DNAH14: variants seen among roughly 807,000 people sequenced by gnomAD.
DNAH14 encodes the protein dynein axonemal heavy chain 14.
A neutral mutation model predicts 520.9 loss-of-function variants in DNAH14; 478 were observed. The observed-to-expected ratio is 0.92, with a 90% CI of 0.85 to 0.99. The LOEUF (loss-of-function observed/expected upper bound fraction) is 0.99. Among genes scored for constraint, DNAH14 ranks in the 50% least tolerant of loss-of-function variants. The pLI is 0.00. For missense variants in DNAH14, 4,831 were observed against 5,234.5 expected (o/e 0.92, Z 2.38); for synonymous variants, 1,581 against 1,757.2 (o/e 0.90, Z 2.51).
chr1:225,335,521 A>ATATATATG (rs2094956402), intron 66 of DNAH14, among the ~76,000 whole-genome samples: 1 of 119,812 alleles, frequency 8.3e-6, no homozygotes, highest in Admixed American at 7.8e-5. Context: ...ACATATGTAC[A>ATATATATG]TATATACATA....
intron 1 of DNAH14, among the ~76,000 whole-genome samples, chr1:224,936,005 T>A (rs1473229341): frequency 5.3e-5 from 8 of 151,608 alleles, no homozygotes; most frequent in South Asian, 2.1e-4. Context: ...ACAAAAAAAA[T>A]TTTTGAAACA....
intron 43 of DNAH14, among the ~76,000 whole-genome samples, chr1:225,245,525 C>G (rs2092231808): frequency 6.6e-6 from 1 of 152,040 alleles, no homozygotes. Context: ...TGTGCAAAAT[C>G]ACAAGCATTC....
At chr1:225,375,096 T>C (rs1162038509) in intron 78 of DNAH14, among the ~76,000 whole-genome samples, 3 of 152,202 alleles carry the variant, frequency 2.0e-5, no homozygotes, top group Admixed American at 2.0e-4. Flanking sequence ...AAATCGTTCA[T>C]GTCCTCCGAG....
intron 21 of DNAH14, among the ~76,000 whole-genome samples, chr1:225,096,058 C>T (rs1256708264): frequency 6.6e-6 from 1 of 152,202 alleles, no homozygotes; most frequent in Non-Finnish European, 1.5e-5. Flanking sequence ...ACTCCACCTC[C>T]TGGGTTCAGG....
chr1:225,235,530 GTA>G (rs990512469), intron 42 of DNAH14, among the ~76,000 whole-genome samples: 15 of 152,098 alleles, frequency 9.9e-5, no homozygotes, highest in African/African-American at 3.6e-4. Flanking sequence ...CCAAGTTTTG[GTA>G]TCAGAATAAT....
chr1:225,074,289 G>A (rs560152254), intron 17 of DNAH14, among the ~76,000 whole-genome samples: 121 of 152,306 alleles, frequency 7.9e-4, no homozygotes, highest in African/African-American at 2.4e-3. Context: ...GTGAGCCACC[G>A]CGCCCGGCCT....
At chr1:225,109,004 G>A (rs966037218) in intron 23 of DNAH14, among the ~76,000 whole-genome samples, 2 of 152,048 alleles carry the variant, frequency 1.3e-5, no homozygotes, top group Non-Finnish European at 2.9e-5. Context: ...TTGGCACCTT[G>A]GTCAAAAATG....
chr1:225,257,933 G>T (rs1574341978), intron 44 of DNAH14, 27 bp from the exon 45 acceptor site: 3 of 1,497,772 alleles, frequency 2.0e-6, no homozygotes, highest in Non-Finnish European at 1.8e-6. Flanking sequence ...TAGGTCATTT[G>T]AAACTTTTTT....
At position 225,145,267 on chromosome 1, in the gene DNAH14, T is replaced by G. The variant is rs948006316; in HGVS notation, c.4741-59T>G. The G allele has an allele frequency of 2.9e-6, 4 of 1,356,672 alleles. No homozygotes were observed. The African/African-American group carries it at 5.8e-5, about 20-fold the overall frequency. The allele number at this position is 1,356,672 out of a possible 1,614,324, so 84.0% of individuals were successfully genotyped here. A position where few individuals can be genotyped will look rare whatever the true frequency, so the allele number is the denominator to read the frequency against. ...AGACATTTTATTACTCTAGCAGTTT[T>G]AACATTAGTATTTTGTGTCATAATT... On this transcript the variant is annotated intron_variant, in intron 29 of 85. Transcript: ENST00000682510.
At position 225,082,206 on chromosome 1, in the gene DNAH14, G is replaced by A. The variant is rs948572044; in HGVS notation, c.3137-343G>A. 6.0e-5 allele frequency among the ~76,000 whole-genome samples: 9 copies of A among 150,522 alleles called. 1 individual carries two copies. Among genetic ancestry groups the A allele is most frequent in the Admixed American group, 2.0e-4 (3 of 15,128 alleles). ...TGTGTGTGTGTGTGTGTGCACATGC[G>A]CATGTACCCATTTGTCTGTATATTT... is the stretch of plus-strand genomic sequence containing the variant. On this transcript the variant is annotated intron_variant, in intron 19 of 85. Coordinates refer to ENST00000682510, the MANE Select transcript of DNAH14 (RefSeq NM_001367479.1).
chr1:224,981,124 C>G (rs553754255), intron 8 of DNAH14, among the ~76,000 whole-genome samples: 1 of 152,152 alleles, frequency 6.6e-6, no homozygotes, highest in African/African-American at 2.4e-5. Context: ...CCCTGCATCC[C>G]TGGTATGAAA....
intron 56 of DNAH14, among the ~76,000 whole-genome samples, chr1:225,301,440 A>T (rs991243230): frequency 2.0e-5 from 3 of 152,168 alleles, no homozygotes; most frequent in African/African-American, 7.2e-5. Context: ...ATAGTCCTAG[A>T]ATTGACCAGG....
Position 225,043,073 on chromosome 1 carries a change from A to C in DNAH14, c.1727A>C (p.Lys576Thr), listed in dbSNP as rs1387911990. 1.9e-6 allele frequency: 3 copies of C among 1,551,364 alleles called. No homozygotes were observed. In the Middle Eastern group the frequency reaches 5.1e-4, roughly 261 times the overall value. The change falls in exon 13 of 86, where the codon AAA becomes ACA. Residue 576 changes from lysine (K) to threonine (T), a missense_variant. By Grantham distance (78) the Lys-to-Thr change is moderately conservative. Coordinates refer to ENST00000682510, the MANE Select transcript of DNAH14 (RefSeq NM_001367479.1). ...SSEELLPKAK[K>T]SKEISYNLED... is the part of the protein sequence containing the mutation. The stretch of plus-strand genomic sequence containing the variant: ...GAAGAATTGCTCCCAAAAGCCAAGA[A>C]ATCAAAAGAAATTAGTTACAATCTT...
intron 71 of DNAH14, among the ~76,000 whole-genome samples, chr1:225,348,360 A>G (rs1287879037): frequency 1.3e-5 from 2 of 152,170 alleles, no homozygotes; most frequent in Non-Finnish European, 2.9e-5. Flanking sequence ...AGAAAAAAAC[A>G]TACAGGTTCA....
chr1:225,137,112 A>G (rs1203440616), intron 27 of DNAH14, among the ~76,000 whole-genome samples: 1 of 152,188 alleles, frequency 6.6e-6, no homozygotes, highest in Non-Finnish European at 1.5e-5. Context: ...TTAACTCAGT[A>G]AAGTTAGTTA....
intron 83 of DNAH14, among the ~76,000 whole-genome samples, chr1:225,392,088 G>C (rs1218088435): frequency 6.6e-6 from 1 of 152,150 alleles, no homozygotes; most frequent in African/African-American, 2.4e-5. Flanking sequence ...TCACCAGGAG[G>C]CTCCTGCAGC....
In DNAH14 at chr1:225,333,384, G is replaced by T; in HGVS notation, c.9958G>T (p.Gly3320Ter). ...TTCAGCAGCGTGCATTGTCTACAGT[G>T]GAATTTTAACACCAGAATTTCGCCA... Reference protein sequence around the residue: ...LLSAACIVYSGILTPEFRQLI... With the variant: ...LLSAACIVYS The change falls in exon 66 of 86, where the codon GGA (glycine) becomes TGA (stop). Residue 3320 changes from glycine to a stop codon, truncating the protein, a stop_gained. Transcript: ENST00000682510. LOFTEE classifies it high-confidence loss of function. The T allele has an allele frequency of 6.4e-7, 1 of 1,551,654 alleles. No individual in the cohort carries two copies. Among genetic ancestry groups the T allele is most frequent in the South Asian group, 1.2e-5 (1 of 84,054 alleles).
chr1:224,971,717 G>A (rs1225872820), intron 7 of DNAH14, among the ~76,000 whole-genome samples: 24 of 152,156 alleles, frequency 1.6e-4, no homozygotes, highest in Admixed American at 1.6e-3. Context: ...AATATAGCAA[G>A]TTTCAAAGTT....
At chr1:225,265,568 G>C (rs960238615) in intron 48 of DNAH14, among the ~76,000 whole-genome samples, 199 bp downstream of exon 48, 1 of 152,054 alleles carries the variant, frequency 6.6e-6, no homozygotes, top group Non-Finnish European at 1.5e-5. Flanking sequence ...TACTGATTCA[G>C]AATTATTAAG....
Sources: gnomAD v4.1 joint callset for allele counts (sites outside exome capture counted in the v4.1 genomes callset) on GRCh38, gnomAD v4.1.1 for gene constraint, MANE v1.5 for transcripts, NCBI Gene and HGNC (gene_info 2026-07-23, HGNC 2026-07-21) for gene names.